The following DMGDH variants were observed in gnomAD, a reference collection of about 807,000 sequenced individuals.
DMGDH encodes the protein dimethylglycine dehydrogenase.
DMGDH carries 76 observed loss-of-function variants against 95.2 expected under a neutral mutation model. That is an observed-to-expected ratio of 0.80 (90% confidence interval 0.66 to 0.97). The LOEUF (loss-of-function observed/expected upper bound fraction) is 0.97, where lower values mean the gene tolerates loss of function less well. Among genes scored for constraint, DMGDH ranks in the 50% least tolerant of loss-of-function variants. The pLI is 0.00. For synonymous variants in DMGDH, 345 were observed against 377.6 expected (o/e 0.91, Z 1.00); for missense variants, 987 against 1,055.0 (o/e 0.94, Z 0.89).
In DMGDH at chr5:79,066,537, G is replaced by A. The variant is rs533549754; in HGVS notation, c.102-2750C>T. ...TCTTGATCTCCTGACCTCGTGATCC[G>A]CCTGCCTCAGCCTCCCAAAGTGCTG... On this transcript the variant is annotated intron_variant, in intron 1 of 15. Transcript: ENST00000255189. Among the ~76,000 whole-genome samples, 65 of 150,110 alleles carry A rather than the reference G, an allele frequency of 4.3e-4. 1 individual carries two copies. The South Asian group carries it at 0.013, about 29-fold the overall frequency.
At chr5:79,036,706 T>C (rs1017139979) in intron 7 of DMGDH, among the ~76,000 whole-genome samples, 5 of 152,188 alleles carry the variant, frequency 3.3e-5, no homozygotes, top group Admixed American at 2.0e-4. Context: ...GATATTATTA[T>C]AATAAAATAC....
chr5:79,064,258 T>A (rs917114527), intron 1 of DMGDH, among the ~76,000 whole-genome samples: 2 of 151,312 alleles, frequency 1.3e-5, no homozygotes, highest in African/African-American at 4.9e-5. Context: ...GAGGCTGAGG[T>A]AAGAGGACTG....
Position 79,054,128 on chromosome 5 carries a change from T to C in DMGDH, c.540+56A>G, listed in dbSNP as rs1754947752. ...TGTTTTTAGTTAACTTCTTAATAAC[T>C]TTTTCTAATTTTTACTTAAGTCAAC... On this transcript the variant is annotated intron_variant, in intron 4 of 15. Coordinates refer to ENST00000255189, the MANE Select transcript of DMGDH (RefSeq NM_013391.3). The C allele has an allele frequency of 2.5e-6, 4 of 1,592,982 alleles. No individual in the cohort carries two copies. In the Admixed American group the frequency reaches 6.7e-5, roughly 27 times the overall value.
At chr5:79,023,999 C>G (rs1753930137) in intron 14 of DMGDH, among the ~76,000 whole-genome samples, 2 of 152,190 alleles carry the variant, frequency 1.3e-5, no homozygotes, top group Admixed American at 1.3e-4. Context: ...AGATAATCTT[C>G]TTATCCTTAC....
chr5:79,005,362 T>C lies in DMGDH; in HGVS notation c.2296A>G (p.Lys766Glu). The C allele has an allele frequency of 6.2e-7, 1 of 1,614,072 alleles. No individual in the cohort carries two copies. Among genetic ancestry groups the C allele is most frequent in the Non-Finnish European group, 8.5e-7 (1 of 1,180,014 alleles). ...GKQALKQIKA[K>E]GLKRRLVCLT... ...CAGACCAGTCTTCGTTTCAGCCCCT[T>C]GGCTTTAATCTGTTTCAGTGCTTGC... The change falls in exon 15 of 16, where the codon AAG becomes GAG. Residue 766 changes from lysine to glutamate, a missense_variant. Lys to Glu is a moderately conservative substitution (Grantham distance 56, BLOSUM62 1). Transcript: ENST00000255189.
At chr5:79,050,158 G>A (rs895540589) in intron 5 of DMGDH, among the ~76,000 whole-genome samples, 1 of 149,372 alleles carries the variant, frequency 6.7e-6, no homozygotes, top group African/African-American at 2.5e-5. Context: ...TCAGGAGGCC[G>A]AGGCAGGAGA....
At chr5:79,039,789 T>C (rs1357729722) in intron 7 of DMGDH, among the ~76,000 whole-genome samples, 1 of 152,124 alleles carries the variant, frequency 6.6e-6, no homozygotes, top group African/African-American at 2.4e-5. Context: ...GAAGAGATAT[T>C]GAGTGCAGTC....
chr5:79,030,771 T>C, intron 10 of DMGDH, 62 bp downstream of exon 10: 2 of 1,570,572 alleles, frequency 1.3e-6, no homozygotes, highest in Non-Finnish European at 1.7e-6. Flanking sequence ...TAAAATAACA[T>C]ATGGGATGAA....
Position 79,042,405 on chromosome 5 carries a change from A to G in DMGDH, c.1071T>C (p.Pro357=). 1.2e-6 allele frequency: 2 copies of G among 1,614,192 alleles called. No individual in the cohort carries two copies. Among genetic ancestry groups the G allele is most frequent in the Non-Finnish European group, 8.5e-7 (1 of 1,180,022 alleles). The change falls in exon 7 of 16, where the codon CCT becomes CCC. Residue 357 remains proline, a synonymous_variant. Transcript: ENST00000255189. Reference sequence around the variant, plus strand: ...TGATGATGTCAGCCTTTTTCAAGACAGGAACCATTTCCATGGCAGCTTTGA... The same window carrying G: ...TGATGATGTCAGCCTTTTTCAAGACGGGAACCATTTCCATGGCAGCTTTGA... ...EHIKAAMEMV[P]VLKKADIINV...
At chr5:79,019,964 G>C (rs1753825443) in intron 14 of DMGDH, among the ~76,000 whole-genome samples, 1 of 152,142 alleles carries the variant, frequency 6.6e-6, no homozygotes, top group African/African-American at 2.4e-5. Flanking sequence ...CTGATTTTGG[G>C]GGTCTGGGAT....
At chr5:79,006,052 C>CTTT (rs35854183) in intron 14 of DMGDH, among the ~76,000 whole-genome samples, 1 of 142,760 alleles carries the variant, frequency 7.0e-6, no homozygotes, top group Non-Finnish European at 1.5e-5. Context: ...GCTTTTCAAC[C>CTTT]TTTTTTTTTT....
intron 14 of DMGDH, chr5:79,021,437 G>A: frequency 1.7e-6 from 2 of 1,205,390 alleles, no homozygotes; most frequent in South Asian, 1.5e-5. Flanking sequence ...AATGATACAT[G>A]TGTATCAACT....
chr5:79,059,400 A>G (rs932256486), intron 2 of DMGDH, among the ~76,000 whole-genome samples: 1 of 152,048 alleles, frequency 6.6e-6, no homozygotes, highest in African/African-American at 2.4e-5. Flanking sequence ...GCATCCTGAC[A>G]CCCCTTCCTC....
chr5:79,017,737 C>T lies in DMGDH; in HGVS notation c.2250+6534G>A, dbSNP rs544336013. 3.9e-5 allele frequency among the ~76,000 whole-genome samples: 6 copies of T among 152,306 alleles called. No homozygotes were observed. The East Asian group carries it at 1.2e-3, about 29-fold the overall frequency. On this transcript the variant is annotated intron_variant, in intron 14 of 15. Transcript: ENST00000255189. ...AGTGTCAGCTGACTGTTGAACAACT[C>T]AGGTTTGAACTGCACGGATCCACTT...
Position 79,030,773 on chromosome 5 carries a change from T to C in DMGDH, c.1683+60A>G, listed in dbSNP as rs866319571. 4.3e-5 allele frequency: 68 copies of C among 1,571,642 alleles called. No individual in the cohort carries two copies. In the Middle Eastern group the frequency reaches 7.5e-4, roughly 17 times the overall value. On this transcript the variant is annotated intron_variant, in intron 10 of 15. Coordinates refer to ENST00000255189, the MANE Select transcript of DMGDH (RefSeq NM_013391.3). The stretch of plus-strand genomic sequence containing the variant: ...TCATTAGGTGAACTAAAATAACATA[T>C]GGGATGAAGAATTAAATAGGTCAGA...
intron 14 of DMGDH, among the ~76,000 whole-genome samples, chr5:79,016,477 C>T (rs1349577111): frequency 6.6e-6 from 1 of 152,014 alleles, no homozygotes; most frequent in Non-Finnish European, 1.5e-5. Flanking sequence ...ATTAAAAATA[C>T]CATCTACAAC....
intron 1 of DMGDH, among the ~76,000 whole-genome samples, chr5:79,067,887 G>A (rs1373044951): frequency 1.3e-5 from 2 of 152,118 alleles, no homozygotes; most frequent in African/African-American, 2.4e-5. Flanking sequence ...GGTATATAAA[G>A]AATATGCAAT....
At chr5:79,005,486 G>C in intron 14 of DMGDH, 79 bp from the exon 15 acceptor site, 2 of 1,586,974 alleles carry the variant, frequency 1.3e-6, no homozygotes, top group Non-Finnish European at 1.7e-6. Context: ...ATTTAAATTT[G>C]TCTTTCCTAT....
Position 79,032,857 on chromosome 5 carries a change from G to A in DMGDH, c.1364-17C>T. ...GATAACCAACTGAAAAGGAAAAATT[G>A]GTACTTTAAATCACATATAGCCAAA... On this transcript the variant is annotated splice_polypyrimidine_tract_variant and intron_variant, in intron 8 of 15. Transcript: ENST00000255189. 1 of 1,613,674 alleles carries A rather than the reference G, an allele frequency of 6.2e-7. No individual in the cohort carries two copies. The highest frequency in any genetic ancestry group is 8.5e-7 in the Non-Finnish European group (1 of 1,179,972).
Sources: allele counts gnomAD v4.1 joint callset (sites outside exome capture counted in the v4.1 genomes callset), GRCh38; gene constraint gnomAD v4.1.1; transcripts MANE v1.5; gene names NCBI Gene and HGNC (gene_info 2026-07-23, HGNC 2026-07-21).